The following PALLD variants were observed in gnomAD, a reference collection of about 807,000 sequenced individuals.
PALLD encodes the protein palladin, cytoskeletal associated protein, also known as palladin.
A neutral mutation model predicts 123.5 loss-of-function variants in PALLD; 61 were observed. The observed-to-expected ratio is 0.49, with a 90% CI of 0.40 to 0.61. PALLD has a LOEUF of 0.61. PALLD is among the 20% of genes least tolerant of loss of function. PALLD has a pLI of 0.00. For missense variants in PALLD, 1,273 were observed against 1,377.0 expected (o/e 0.92, Z 1.20); for synonymous variants, 465 against 496.4 (o/e 0.94, Z 0.84).
intron 10 of PALLD, among the ~76,000 whole-genome samples, chr4:168,796,546 C>G (rs537410355): frequency 1.3e-5 from 2 of 152,326 alleles, no homozygotes; most frequent in South Asian, 4.1e-4. Flanking sequence ...GCCCTGTACT[C>G]TTGGCCCAGG....
In PALLD at chr4:168,661,255, T is replaced by C. The variant is rs1779110389; in HGVS notation, c.909-6935T>C. On this transcript the variant is annotated intron_variant, in intron 2 of 21. Coordinates refer to ENST00000505667, the MANE Select transcript of PALLD (RefSeq NM_001166108.2). ...AAAAATCTAAGCTCATTAGGTAAAA[T>C]ATAGTCATTGTATTTCCTTATGTCT... Among the ~76,000 whole-genome samples the C allele has an allele frequency of 1.3e-5, 2 of 152,148 alleles. 1 individual carries two copies. The highest frequency in any genetic ancestry group is 4.1e-4 in the South Asian group (2 of 4,830).
At chr4:168,533,531 G>T (rs1764802665) in intron 2 of PALLD, among the ~76,000 whole-genome samples, 3 of 152,212 alleles carry the variant, frequency 2.0e-5, no homozygotes, top group Admixed American at 2.0e-4. Flanking sequence ...AGATGAGAAA[G>T]ACCAAAGGAG....
intron 2 of PALLD, among the ~76,000 whole-genome samples, chr4:168,575,631 C>G (rs181826652): frequency 3.0e-4 from 46 of 152,174 alleles, no homozygotes; most frequent in Middle Eastern, 3.4e-3. Flanking sequence ...TCTCTCGGAG[C>G]TGCCGTTGCT....
At chr4:168,717,791 T>A (rs1785506080) in intron 10 of PALLD, among the ~76,000 whole-genome samples, 1 of 152,208 alleles carries the variant, frequency 6.6e-6, no homozygotes, top group Non-Finnish European at 1.5e-5. Context: ...TAAATAAGAA[T>A]CTCATGGGAT....
chr4:168,887,427 T>C (rs1365532982), intron 10 of PALLD, among the ~76,000 whole-genome samples: 1 of 152,258 alleles, frequency 6.6e-6, no homozygotes. Flanking sequence ...TGACCTGTTC[T>C]GACCTTGATG....
At chr4:168,800,384 A>G (rs956377111) in intron 10 of PALLD, among the ~76,000 whole-genome samples, 4 of 152,216 alleles carry the variant, frequency 2.6e-5, no homozygotes, top group African/African-American at 9.6e-5. Flanking sequence ...TTACAAATGG[A>G]ATAAATAAAG....
At chr4:168,626,337 CT>C (rs1392323365) in intron 2 of PALLD, among the ~76,000 whole-genome samples, 1 of 146,066 alleles carries the variant, frequency 6.8e-6, no homozygotes, top group African/African-American at 2.6e-5. Context: ...GGAGGTGGAG[CT>C]TGCAGTGAGC....
intron 2 of PALLD, among the ~76,000 whole-genome samples, chr4:168,529,180 C>A (rs1366123209): frequency 6.6e-6 from 1 of 151,976 alleles, no homozygotes; most frequent in East Asian, 1.9e-4. Flanking sequence ...ACTAAAAATA[C>A]AAAAAATTTC....
intron 10 of PALLD, among the ~76,000 whole-genome samples, chr4:168,854,556 G>A (rs558018120): frequency 1.3e-5 from 2 of 152,306 alleles, no homozygotes; most frequent in Admixed American, 1.3e-4. Flanking sequence ...CCGTGCAGCT[G>A]TGCTGAGGTC....
Position 168,896,534 on chromosome 4 carries a change from T to G in PALLD, c.2200-15T>G. ...TCTATTATTAGTCTTCACATCTTTT[T>G]TTCTACCATTACAGGACATTGGTTC... On this transcript the variant is annotated splice_polypyrimidine_tract_variant and intron_variant, in intron 12 of 21. Transcript: ENST00000505667. The G allele has an allele frequency of 7.0e-7, 1 of 1,431,140 alleles. No homozygotes were observed. Among genetic ancestry groups the G allele is most frequent in the Non-Finnish European group, 9.5e-7 (1 of 1,050,472 alleles). 88.7% of individuals were successfully genotyped at this position (1,431,140 alleles called of 1,614,324 possible).
intron 10 of PALLD, among the ~76,000 whole-genome samples, chr4:168,880,725 A>G (rs561102816): frequency 2.0e-5 from 3 of 152,328 alleles, no homozygotes; most frequent in East Asian, 3.9e-4. Flanking sequence ...CATAAGATGT[A>G]TATATTCAGT....
rs1750727297 is a variant in PALLD at position 168,869,059 on chromosome 4, C to T, written c.1965-21863C>T. ...AGATGCCAGATTAGGAGCTGCATTA[C>T]CAGGTTCACAAACGTTCTCATTCGG... On this transcript the variant is annotated intron_variant, in intron 10 of 21. Transcript: ENST00000505667. The surrounding 1 kb of genome is among the most constrained non-coding windows in gnomAD (Gnocchi z 4.5). 6.6e-6 allele frequency among the ~76,000 whole-genome samples: 1 copy of T among 152,134 alleles called. No individual in the cohort carries two copies. Among genetic ancestry groups the T allele is most frequent in the Non-Finnish European group, 1.5e-5 (1 of 68,018 alleles).
chr4:168,866,078 T>C (rs11932538), intron 10 of PALLD, among the ~76,000 whole-genome samples: 2,369 of 149,808 alleles, frequency 0.016, 51 homozygotes, highest in African/African-American at 0.054. Context: ...CTGGGCAACA[T>C]AGTAAGACCC....
At chr4:168,571,107 G>T (rs1257088636) in intron 2 of PALLD, among the ~76,000 whole-genome samples, 1 of 152,106 alleles carries the variant, frequency 6.6e-6, no homozygotes, top group Non-Finnish European at 1.5e-5. Flanking sequence ...TTAAAACCTT[G>T]CAGTCCATGA....
At chr4:168,656,241 C>A (rs1778550058) in intron 2 of PALLD, among the ~76,000 whole-genome samples, 1 of 128,224 alleles carries the variant, frequency 7.8e-6, no homozygotes, top group African/African-American at 2.9e-5. Context: ...TTCTCCACCC[C>A]CCCACCCCCC....
At chr4:168,588,686 G>C (rs1295885392) in intron 2 of PALLD, among the ~76,000 whole-genome samples, 1 of 151,664 alleles carries the variant, frequency 6.6e-6, no homozygotes, top group Non-Finnish European at 1.5e-5. Flanking sequence ...GGGATTACAG[G>C]TGTGACCTAC....
chr4:168,788,799 T>G (rs1737110687), intron 10 of PALLD, among the ~76,000 whole-genome samples: 1 of 151,770 alleles, frequency 6.6e-6, no homozygotes, highest in African/African-American at 2.4e-5. Context: ...AACTAAAATT[T>G]TAAAATTAAT....
intron 2 of PALLD, among the ~76,000 whole-genome samples, chr4:168,576,383 C>T (rs1449207925): frequency 6.6e-6 from 1 of 152,046 alleles, no homozygotes; most frequent in African/African-American, 2.4e-5. Context: ...TATCCGTCCC[C>T]CCTCCCCCAA....
intron 10 of PALLD, among the ~76,000 whole-genome samples, chr4:168,848,530 G>A (rs1411900677): frequency 4.6e-5 from 7 of 152,098 alleles, no homozygotes; most frequent in African/African-American, 1.4e-4. Flanking sequence ...AAAACAATTC[G>A]AGGAAAACGT....
Sources: allele counts gnomAD v4.1 joint callset (sites outside exome capture counted in the v4.1 genomes callset), GRCh38; gene constraint gnomAD v4.1.1; non-coding constraint Gnocchi (gnomAD v3.1); transcripts MANE v1.5; gene names NCBI Gene and HGNC (gene_info 2026-07-23, HGNC 2026-07-21).